Variants in AGMO observed in about 807,000 individuals in gnomAD.
The protein encoded by AGMO is glyceryl-ether monooxygenase.
Under a neutral mutation model 60.2 loss-of-function variants are expected in AGMO, and 75 were observed. The ratio of observed to expected loss-of-function variants is 1.25; its 90% confidence interval spans 1.03 to 1.51. The LOEUF (loss-of-function observed/expected upper bound fraction) is 1.51. AGMO is among the 40% of genes most tolerant of loss of function. The pLI, the probability that AGMO is intolerant of heterozygous loss-of-function variation, is 0.00. For synonymous variants in AGMO, 261 were observed against 177.1 expected (o/e 1.47, Z -3.76); for missense variants, 763 against 525.5 (o/e 1.45, Z -4.42).
chr7:15,298,017 CAGTAACATA>C (rs1784452559), intron 12 of AGMO, among the ~76,000 whole-genome samples: 1 of 152,068 alleles, frequency 6.6e-6, no homozygotes, highest in African/African-American at 2.4e-5. Flanking sequence ...CTAGGTAAGT[CAGTAACATA>C]TCCCATTAAA....
chr7:15,369,887 C>A (rs1783132038), intron 10 of AGMO, among the ~76,000 whole-genome samples: 1 of 152,052 alleles, frequency 6.6e-6, no homozygotes. Context: ...TTTGGGAAAA[C>A]TGAATCTATT....
In AGMO at chr7:15,391,674, A is replaced by G. The variant is rs1382130769; in HGVS notation, c.677-769T>C. On this transcript the variant is annotated intron_variant, in intron 6 of 12. Transcript: ENST00000342526. ...ATTTGAATGCACAAATACAAAGAAA[A>G]ATCTCCCATAGTATAAAAGGAGAGA... Among the ~76,000 whole-genome samples the G allele has an allele frequency of 2.0e-5, 3 of 152,118 alleles. No individual in the cohort carries two copies. In the East Asian group the frequency reaches 5.8e-4, roughly 29 times the overall value.
chr7:15,151,335 C>T, the AGMO span, among the ~76,000 whole-genome samples: 1 of 151,770 alleles, frequency 6.6e-6, no homozygotes, highest in Admixed American at 6.6e-5. Context: ...CAGTTCATCG[C>T]TCGTTTTGGT....
the AGMO span, among the ~76,000 whole-genome samples, chr7:15,153,884 T>C: frequency 6.6e-5 from 10 of 152,276 alleles, no homozygotes; most frequent in East Asian, 1.9e-3. Context: ...ATAATGGTGG[T>C]ATTTTGACGG....
chr7:15,148,909 G>C, the AGMO span, among the ~76,000 whole-genome samples: 2 of 152,050 alleles, frequency 1.3e-5, no homozygotes, highest in Admixed American at 6.6e-5. Flanking sequence ...TCCACGGTGG[G>C]TAAAATTATT....
intron 3 of AGMO, among the ~76,000 whole-genome samples, chr7:15,472,064 G>T (rs1392150947): frequency 6.6e-6 from 1 of 151,762 alleles, no homozygotes; most frequent in Non-Finnish European, 1.5e-5. Context: ...TATAATTTTT[G>T]ATGAAAACGT....
chr7:15,394,954 G>A (rs1236894568), intron 5 of AGMO, among the ~76,000 whole-genome samples: 2 of 152,202 alleles, frequency 1.3e-5, no homozygotes, highest in Non-Finnish European at 2.9e-5. Flanking sequence ...CCCTAGTTCT[G>A]AGTCTATAAA....
At chr7:15,469,671 G>GA (rs967102435) in intron 3 of AGMO, among the ~76,000 whole-genome samples, 5 of 151,340 alleles carry the variant, frequency 3.3e-5, no homozygotes, top group Middle Eastern at 6.8e-3. Flanking sequence ...GACAGAATTA[G>GA]AAAAAAAAAG....
chr7:15,256,648 C>T (rs1224106669), intron 12 of AGMO, among the ~76,000 whole-genome samples: 1 of 152,200 alleles, frequency 6.6e-6, no homozygotes, highest in African/African-American at 2.4e-5. Context: ...AGGCGCAAGC[C>T]ACTGCACCTG....
chr7:15,317,951 AC>A (rs1780987185), intron 12 of AGMO, among the ~76,000 whole-genome samples: 1 of 147,206 alleles, frequency 6.8e-6, no homozygotes, highest in Admixed American at 6.8e-5. Flanking sequence ...ACACACACAC[AC>A]ACTATATATA....
intron 12 of AGMO, among the ~76,000 whole-genome samples, chr7:15,302,599 G>C (rs1254515699): frequency 6.6e-6 from 1 of 152,150 alleles, no homozygotes; most frequent in Non-Finnish European, 1.5e-5. Flanking sequence ...AAATCAAGGA[G>C]ACTGGCATAG....
intron 12 of AGMO, among the ~76,000 whole-genome samples, chr7:15,315,680 G>A (rs1027906415): frequency 2.0e-5 from 3 of 151,998 alleles, no homozygotes; most frequent in Admixed American, 6.6e-5. Flanking sequence ...AAAAGTTCTA[G>A]TTCTAAAATT....
intron 12 of AGMO, among the ~76,000 whole-genome samples, chr7:15,302,697 C>T (rs981636061): frequency 6.6e-6 from 1 of 152,148 alleles, no homozygotes; most frequent in Non-Finnish European, 1.5e-5. Flanking sequence ...TTTCACTAGA[C>T]TGTAAACTCC....
the AGMO span, among the ~76,000 whole-genome samples, chr7:15,175,013 T>G: frequency 6.6e-6 from 1 of 151,846 alleles, no homozygotes; most frequent in African/African-American, 2.4e-5. Flanking sequence ...GCAATATATA[T>G]CCTTTAAAAC....
At chr7:15,123,548 C>A in the AGMO span, among the ~76,000 whole-genome samples, 2 of 152,152 alleles carry the variant, frequency 1.3e-5, no homozygotes, top group South Asian at 4.1e-4. Context: ...ACAATGCTCT[C>A]TAACATGTTA....
At chr7:15,409,709 C>G (rs1784789879) in intron 5 of AGMO, among the ~76,000 whole-genome samples, 2 of 151,746 alleles carry the variant, frequency 1.3e-5, no homozygotes. Context: ...CTTGCACGTA[C>G]TGGATGCTTA....
chr7:15,493,362 C>T (rs7790197), intron 3 of AGMO, among the ~76,000 whole-genome samples: 2,636 of 102,218 alleles, frequency 0.026, 63 homozygotes, highest in Non-Finnish European at 0.04. Flanking sequence ...CACACACACA[C>T]TTCTTTTTTT....
intron 12 of AGMO, among the ~76,000 whole-genome samples, chr7:15,212,501 T>G (rs1476113727): frequency 1.3e-5 from 2 of 151,930 alleles, no homozygotes; most frequent in Non-Finnish European, 2.9e-5. Flanking sequence ...TTTCTAAATC[T>G]TCAGGTAGAA....
At chr7:15,288,919 A>G (rs2128521322) in intron 12 of AGMO, among the ~76,000 whole-genome samples, 1 of 151,918 alleles carries the variant, frequency 6.6e-6, no homozygotes, top group African/African-American at 2.4e-5. Context: ...CAAACATCAC[A>G]CCAGTTTCAT....
Sources: allele counts gnomAD v4.1 joint callset (sites outside exome capture counted in the v4.1 genomes callset), GRCh38; gene constraint gnomAD v4.1.1; transcripts MANE v1.5; gene names NCBI Gene and HGNC (gene_info 2026-07-23, HGNC 2026-07-21).